Variants in AIG1 observed in about 807,000 individuals in gnomAD.
AIG1 encodes androgen-induced gene 1 protein.
AIG1 carries 23 observed loss-of-function variants against 31.4 expected under a neutral mutation model. The observed-to-expected ratio is 0.73, with a 90% CI of 0.53 to 1.04. The LOEUF (loss-of-function observed/expected upper bound fraction) is 1.04, where lower values mean the gene tolerates loss of function less well. Ranked by LOEUF, AIG1 falls within the 50% of genes least tolerant of loss-of-function variation. AIG1 has a pLI of 0.00. For missense variants in AIG1, 274 were observed against 295.0 expected (o/e 0.93, Z 0.52); for synonymous variants, 100 against 110.5 (o/e 0.90, Z 0.60).
At chr6:143,089,458 T>G (rs370227605) in intron 1 of AIG1, among the ~76,000 whole-genome samples, 2 of 152,304 alleles carry the variant, frequency 1.3e-5, no homozygotes, top group East Asian at 3.9e-4. Flanking sequence ...TTTTGTTTGT[T>G]TCATACGTTA....
chr6:143,116,390 C>A (rs959659236), intron 1 of AIG1, among the ~76,000 whole-genome samples: 2 of 151,928 alleles, frequency 1.3e-5, no homozygotes, highest in Non-Finnish European at 2.9e-5. Context: ...GAGTTAAAAT[C>A]CAGTTATTCA....
intron 4 of AIG1, among the ~76,000 whole-genome samples, chr6:143,286,978 C>T (rs1459351775): frequency 6.6e-6 from 1 of 151,922 alleles, no homozygotes; most frequent in Non-Finnish European, 1.5e-5. Context: ...TTGCAGTCCT[C>T]CCCAAGCTTA....
Position 143,291,607 on chromosome 6 carries a change from C to G in AIG1, c.515+7382C>G, listed in dbSNP as rs1300228700. Among the ~76,000 whole-genome samples, 1 of 152,200 alleles carries G rather than the reference C, an allele frequency of 6.6e-6. No individual in the cohort carries two copies. The highest frequency in any genetic ancestry group is 2.4e-5 in the African/African-American group (1 of 41,450). On this transcript the variant is annotated intron_variant, in intron 4 of 5. Transcript: ENST00000357847. The surrounding 1 kb of genome is among the most constrained non-coding windows in gnomAD (Gnocchi z 4.2). ...AAGTCAGAAGATATTCATCCTTCTT[C>G]CATTTCCCCCGCCAGAAAGGAAAGA... is the stretch of plus-strand genomic sequence containing the variant.
At chr6:143,105,009 C>T (rs1158699334) in intron 1 of AIG1, among the ~76,000 whole-genome samples, 1 of 152,042 alleles carries the variant, frequency 6.6e-6, no homozygotes, top group Non-Finnish European at 1.5e-5. Flanking sequence ...CATAAAATGG[C>T]ATATTAACAG....
At position 143,317,290 on chromosome 6, in the gene AIG1, GA is replaced by G. The variant is rs147643117; in HGVS notation, c.516-15987del. ...TAGCTAACCGAATCCAACACCATAT[GA>G]AAAAGATAATCCACCATGATCAAGT... is the stretch of plus-strand genomic sequence containing the variant. On this transcript the variant is annotated intron_variant, in intron 4 of 5. Coordinates refer to ENST00000357847, the MANE Select transcript of AIG1 (RefSeq NM_016108.4). Among the ~76,000 whole-genome samples the G allele has an allele frequency of 7.8e-3, 1,180 of 152,112 alleles. 37 individuals carry two copies. Among genetic ancestry groups the G allele is most frequent in the Admixed American group, 0.048 (730 of 15,282 alleles).
chr6:143,236,331 C>T (rs530931492), intron 3 of AIG1, among the ~76,000 whole-genome samples: 1 of 152,336 alleles, frequency 6.6e-6, no homozygotes, highest in South Asian at 2.1e-4. Context: ...CATTCGGACT[C>T]CGAGTCTGTG....
intron 1 of AIG1, among the ~76,000 whole-genome samples, chr6:143,098,797 T>C (rs1433134674): frequency 6.6e-6 from 1 of 152,238 alleles, no homozygotes; most frequent in Non-Finnish European, 1.5e-5. Context: ...ATGGATTAAT[T>C]GGACCTTTGT....
chr6:143,088,206 AG>A (rs1423679654), intron 1 of AIG1, among the ~76,000 whole-genome samples: 1 of 152,062 alleles, frequency 6.6e-6, no homozygotes, highest in African/African-American at 2.4e-5. Context: ...TCCAATTTGA[AG>A]AGTTGGCTTC....
At chr6:143,270,809 TTG>T (rs917618919) in intron 3 of AIG1, among the ~76,000 whole-genome samples, 2 of 152,064 alleles carry the variant, frequency 1.3e-5, no homozygotes, top group African/African-American at 4.8e-5. Context: ...GTGTGCACAT[TTG>T]TGTGTGTGCA....
At chr6:143,084,112 G>T (rs1258470282) in intron 1 of AIG1, among the ~76,000 whole-genome samples, 1 of 152,168 alleles carries the variant, frequency 6.6e-6, no homozygotes, top group Non-Finnish European at 1.5e-5. Context: ...GGCCGCACCA[G>T]TGTCCAGGAG....
intron 3 of AIG1, among the ~76,000 whole-genome samples, chr6:143,197,562 G>T (rs1790354243): frequency 2.0e-5 from 3 of 152,100 alleles, no homozygotes; most frequent in Admixed American, 2.0e-4. Context: ...ATATTTTTCA[G>T]CATCCCCTGC....
At chr6:143,189,487 A>G in intron 3 of AIG1, 1 of 985,162 alleles carries the variant, frequency 1.0e-6, no homozygotes, top group Non-Finnish European at 1.2e-6. Flanking sequence ...GCTTGATGAT[A>G]TTTCATTAGG....
At chr6:143,221,160 A>G (rs1792483707) in intron 3 of AIG1, among the ~76,000 whole-genome samples, 1 of 152,190 alleles carries the variant, frequency 6.6e-6, no homozygotes, top group African/African-American at 2.4e-5. Context: ...CTTAGCTAGT[A>G]GATAAGCACA....
chr6:143,244,110 C>T (rs1308926882), intron 3 of AIG1, among the ~76,000 whole-genome samples: 1 of 152,188 alleles, frequency 6.6e-6, no homozygotes, highest in African/African-American at 2.4e-5. Context: ...TACCCAGCAG[C>T]AGTTATAATA....
chr6:143,206,787 T>C (rs924858477), intron 3 of AIG1, among the ~76,000 whole-genome samples: 1 of 152,190 alleles, frequency 6.6e-6, no homozygotes, highest in Non-Finnish European at 1.5e-5. Context: ...AATTATGAGA[T>C]CATTAAGTTC....
Position 143,327,408 on chromosome 6 carries a change from G to T in AIG1, c.516-5874G>T. ...GTGGGCTTCAAGAAGTCTGCCCCTT[G>T]GGCACTCAAAGAGATCTGGAAATTT... On this transcript the variant is annotated intron_variant, in intron 4 of 5. Transcript: ENST00000357847. This position sits in a 1 kb window ranked among gnomAD's most constrained non-coding sequence, Gnocchi z 5.3. 2.9e-6 allele frequency: 1 copy of T among 341,754 alleles called. No individual in the cohort carries two copies. The highest frequency in any genetic ancestry group is 5.6e-6 in the Non-Finnish European group (1 of 179,092). 21.2% of individuals were successfully genotyped at this position (341,754 alleles called of 1,614,324 possible). A position where few individuals can be genotyped will look rare whatever the true frequency, so the allele number is the denominator to read the frequency against.
At chr6:143,225,682 C>A (rs1792893185) in intron 3 of AIG1, among the ~76,000 whole-genome samples, 1 of 152,138 alleles carries the variant, frequency 6.6e-6, no homozygotes, top group African/African-American at 2.4e-5. Flanking sequence ...AACCCTGTAG[C>A]TCCAAGAAGC....
rs1777324136 is a variant in AIG1 at position 143,334,436 on chromosome 6, G to A, written c.679+991G>A. Among the ~76,000 whole-genome samples, 1 of 152,228 alleles carries A rather than the reference G, an allele frequency of 6.6e-6. No individual in the cohort carries two copies. The highest frequency in any genetic ancestry group is 2.4e-5 in the African/African-American group (1 of 41,466). ...CATGGTTACTGAATCAGACTTTTGTGTGTGTGGATCCTCTAAGATTGTATG... is the reference window on the plus strand; with the variant it reads ...CATGGTTACTGAATCAGACTTTTGTATGTGTGGATCCTCTAAGATTGTATG... On this transcript the variant is annotated intron_variant, in intron 5 of 5. Transcript: ENST00000357847. This position sits in a 1 kb window ranked among gnomAD's most constrained non-coding sequence, Gnocchi z 5.1.
At chr6:143,300,367 G>A (rs547080233) in intron 4 of AIG1, among the ~76,000 whole-genome samples, 16 of 152,094 alleles carry the variant, frequency 1.1e-4, no homozygotes, top group Non-Finnish European at 1.6e-4. Context: ...CAATTCTCCC[G>A]TTTTCTTTGT....
Sources: allele counts gnomAD v4.1 joint callset (sites outside exome capture counted in the v4.1 genomes callset), GRCh38; gene constraint gnomAD v4.1.1; non-coding constraint Gnocchi (gnomAD v3.1); transcripts MANE v1.5; gene names NCBI Gene and HGNC (gene_info 2026-07-23, HGNC 2026-07-21).